Variants in CIMIP5 observed in about 807,000 individuals in gnomAD.
CIMIP5 encodes the protein ciliary microtubule inner protein 5.
the CIMIP5 span, chr2:11,133,316 A>G: frequency 6.4e-7 from 1 of 1,568,412 alleles, no homozygotes; most frequent in Non-Finnish European, 8.5e-7. Flanking sequence ...AAGCGCACAC[A>G]CACACACACA....
chr2:11,142,823 G>A, the CIMIP5 span, among the ~76,000 whole-genome samples: 1 of 147,902 alleles, frequency 6.8e-6, no homozygotes, highest in Non-Finnish European at 1.5e-5. Context: ...GGGCTCTAGT[G>A]ATCCTCCCAC....
At chr2:11,136,710 T>C in the CIMIP5 span, among the ~76,000 whole-genome samples, 1 of 152,184 alleles carries the variant, frequency 6.6e-6, no homozygotes, top group Non-Finnish European at 1.5e-5. Context: ...TCCGTGAATA[T>C]ATTAAAAGTC....
the CIMIP5 span, among the ~76,000 whole-genome samples, chr2:11,152,949 C>T: frequency 3.9e-5 from 6 of 152,218 alleles, no homozygotes; most frequent in Non-Finnish European, 7.3e-5. Context: ...CTAGTTTGCA[C>T]CTGGTGGGGA....
At chr2:11,153,174 G>C in the CIMIP5 span, among the ~76,000 whole-genome samples, 1 of 152,196 alleles carries the variant, frequency 6.6e-6, no homozygotes, top group African/African-American at 2.4e-5. Flanking sequence ...TTCACGCAAA[G>C]TAGCCAGGGA....
chr2:11,148,732 C>CTGTTTTTT, the CIMIP5 span, among the ~76,000 whole-genome samples: 1 of 35,540 alleles, frequency 2.8e-5, no homozygotes, highest in African/African-American at 5.6e-5. Context: ...AATGAAAACT[C>CTGTTTTTT]TTTTTTTTTT....
the CIMIP5 span, among the ~76,000 whole-genome samples, chr2:11,138,807 T>C: frequency 3.9e-4 from 59 of 152,332 alleles, no homozygotes; most frequent in African/African-American, 1.3e-3. Flanking sequence ...CCACCATGAT[T>C]GTAAGTTTCC....
chr2:11,136,524 A>G, the CIMIP5 span, among the ~76,000 whole-genome samples: 1 of 152,120 alleles, frequency 6.6e-6, no homozygotes, highest in African/African-American at 2.4e-5. Flanking sequence ...CCCAGGAGGT[A>G]GTTGAGTGTG....
the CIMIP5 span, among the ~76,000 whole-genome samples, chr2:11,147,069 C>T: frequency 8.5e-5 from 13 of 152,306 alleles, 1 homozygote; most frequent in South Asian, 1.7e-3. Flanking sequence ...GGACCAGCGC[C>T]GGTTCTGCCA....
chr2:11,138,101 C>T, the CIMIP5 span, among the ~76,000 whole-genome samples: 2 of 152,236 alleles, frequency 1.3e-5, no homozygotes, highest in Non-Finnish European at 2.9e-5. Flanking sequence ...GCCTCGGCCT[C>T]CCAGAGTGCT....
chr2:11,151,880 C>T, the CIMIP5 span, among the ~76,000 whole-genome samples: 2 of 152,208 alleles, frequency 1.3e-5, no homozygotes, highest in Non-Finnish European at 2.9e-5. Context: ...GTGATCTGCA[C>T]GCCTCAGCCT....
At chr2:11,139,696 G>A in the CIMIP5 span, among the ~76,000 whole-genome samples, 3 of 152,294 alleles carry the variant, frequency 2.0e-5, no homozygotes, top group African/African-American at 4.8e-5. Flanking sequence ...CATATTTGTC[G>A]TTCTAGGAAA....
the CIMIP5 span, among the ~76,000 whole-genome samples, chr2:11,141,938 T>A: frequency 6.6e-6 from 1 of 152,098 alleles, no homozygotes; most frequent in East Asian, 1.9e-4. Flanking sequence ...TCATGCTGGA[T>A]GAATGAATGA....
the CIMIP5 span, among the ~76,000 whole-genome samples, chr2:11,142,463 C>T: frequency 2.0e-5 from 3 of 152,044 alleles, no homozygotes; most frequent in South Asian, 4.1e-4. Flanking sequence ...CCTGATATCC[C>T]GACCTGTGCA....
the CIMIP5 span, among the ~76,000 whole-genome samples, chr2:11,135,233 G>A: frequency 3.9e-5 from 6 of 152,176 alleles, no homozygotes; most frequent in Non-Finnish European, 8.8e-5. Flanking sequence ...GGGATTGCAG[G>A]ATTATACGGT....
At chr2:11,134,381 G>A in the CIMIP5 span, among the ~76,000 whole-genome samples, 1 of 152,196 alleles carries the variant, frequency 6.6e-6, no homozygotes, top group African/African-American at 2.4e-5. Flanking sequence ...GCGGGAACAT[G>A]GCATGATCTC....
At chr2:11,146,177 C>T in the CIMIP5 span, among the ~76,000 whole-genome samples, 1 of 152,154 alleles carries the variant, frequency 6.6e-6, no homozygotes, top group Non-Finnish European at 1.5e-5. Context: ...CTAAATGTCA[C>T]TGTTATTTGC....
At chr2:11,146,470 G>A in the CIMIP5 span, 1 of 152,186 alleles carries the variant, frequency 6.6e-6, no homozygotes, top group African/African-American at 2.4e-5. Flanking sequence ...CTTGAGAAAG[G>A]AAAAACTGAT....
the CIMIP5 span, among the ~76,000 whole-genome samples, chr2:11,142,313 A>T: frequency 6.6e-6 from 1 of 150,872 alleles, no homozygotes; most frequent in African/African-American, 2.4e-5. Context: ...AACCTGGAAG[A>T]TGAGCAATAT....
At chr2:11,140,178 G>T in the CIMIP5 span, among the ~76,000 whole-genome samples, 1 of 150,998 alleles carries the variant, frequency 6.6e-6, no homozygotes, top group Non-Finnish European at 1.5e-5. Context: ...ACAAGGTCAG[G>T]AGATCGAGAC....
Sources: allele counts gnomAD v4.1 joint callset (sites outside exome capture counted in the v4.1 genomes callset), GRCh38; gene constraint gnomAD v4.1.1; transcripts MANE v1.5; gene names NCBI Gene and HGNC (gene_info 2026-07-23, HGNC 2026-07-21).